ZNF148: variants seen among roughly 807,000 people sequenced by gnomAD.
The protein encoded by ZNF148 is Beta-Enolase Repressor Factor-1.
A neutral mutation model predicts 67.7 loss-of-function variants in ZNF148; 7 were observed. The observed-to-expected ratio is 0.10, with a 90% CI of 0.06 to 0.19. ZNF148 has a LOEUF of 0.19. Ranked by LOEUF, ZNF148 falls within the 10% of genes least tolerant of loss-of-function variation. The pLI is 1.00. For synonymous variants in ZNF148, 333 were observed against 330.7 expected (o/e 1.01, Z -0.08); for missense variants, 583 against 947.1 (o/e 0.62, Z 5.05).
chr3:125,346,272 C>A (rs1320741419), intron 1 of ZNF148, among the ~76,000 whole-genome samples: 1 of 152,174 alleles, frequency 6.6e-6, no homozygotes, highest in South Asian at 2.1e-4. Context: ...TGAAATACAA[C>A]ACCATTTACA....
chr3:125,237,734 CTT>C (rs1395176199), intron 7 of ZNF148, among the ~76,000 whole-genome samples: 12 of 152,112 alleles, frequency 7.9e-5, no homozygotes, highest in African/African-American at 1.4e-4. Context: ...GATTGGAAGA[CTT>C]AACATTAAGA....
chr3:125,289,956 C>A (rs1938916841), intron 4 of ZNF148, among the ~76,000 whole-genome samples: 1 of 152,112 alleles, frequency 6.6e-6, no homozygotes. Flanking sequence ...GTGATTTTCA[C>A]CTAGTCCCAT....
Position 125,279,123 on chromosome 3 carries a change from C to T in ZNF148, c.583+1G>A. On this transcript the variant is annotated splice_donor_variant, in intron 6 of 8. Coordinates refer to ENST00000360647, the MANE Select transcript of ZNF148 (RefSeq NM_021964.3). LOFTEE classifies it high-confidence loss of function. ...CAAGCCCATTTTAATTCAAGAAATA[C>T]CTGTATGAATGAAGACATGTCTCTG... The T allele has an allele frequency of 6.3e-7, 1 of 1,591,702 alleles. No individual in the cohort carries two copies. The highest frequency in any genetic ancestry group is 1.2e-5 in the South Asian group (1 of 85,234).
chr3:125,351,465 T>G (rs1056958406), intron 1 of ZNF148, among the ~76,000 whole-genome samples: 1 of 149,396 alleles, frequency 6.7e-6, no homozygotes, highest in Non-Finnish European at 1.5e-5. Flanking sequence ...GTTCTAGAGA[T>G]CTGCTGTACA....
intron 7 of ZNF148, among the ~76,000 whole-genome samples, chr3:125,235,089 TC>T (rs1936026425): frequency 1.3e-5 from 2 of 152,172 alleles, no homozygotes; most frequent in Non-Finnish European, 2.9e-5. Flanking sequence ...AAAACCACAG[TC>T]TAAGTAAACA....
chr3:125,340,681 G>A (rs1287616782), intron 1 of ZNF148, among the ~76,000 whole-genome samples: 1 of 152,152 alleles, frequency 6.6e-6, no homozygotes, highest in Non-Finnish European at 1.5e-5. Flanking sequence ...AGCCTCCTAA[G>A]GTAACAGATA....
chr3:125,299,137 G>GTCC (rs1332021556), intron 4 of ZNF148, among the ~76,000 whole-genome samples: 1 of 152,030 alleles, frequency 6.6e-6, no homozygotes, highest in East Asian at 1.9e-4. Context: ...TGACTATGTA[G>GTCC]TCCTTTTATA....
intron 1 of ZNF148, among the ~76,000 whole-genome samples, chr3:125,365,601 G>A (rs2107790124): frequency 6.6e-6 from 1 of 152,204 alleles, no homozygotes; most frequent in South Asian, 2.1e-4. Context: ...GGGATCACTG[G>A]AGCCCAAGAG....
intron 7 of ZNF148, among the ~76,000 whole-genome samples, chr3:125,236,443 A>G (rs1936094976): frequency 6.6e-6 from 1 of 152,126 alleles, no homozygotes; most frequent in Admixed American, 6.6e-5. Context: ...AAATGTTACT[A>G]TGAGCTAGTA....
chr3:125,290,466 CTTAT>C (rs916190535), intron 4 of ZNF148, among the ~76,000 whole-genome samples: 1 of 152,136 alleles, frequency 6.6e-6, no homozygotes, highest in Non-Finnish European at 1.5e-5. Context: ...TTTATCAAGA[CTTAT>C]TTCTCACCCC....
chr3:125,257,834 T>A lies in ZNF148; in HGVS notation c.667+19892A>T, dbSNP rs567496438. ...CTCATTGTTTTTTCATCTCAACTGT[T>A]TCCTCCTCTTCTGAAAACTGCTCTT... On this transcript the variant is annotated intron_variant, in intron 7 of 8. Transcript: ENST00000360647. Among the ~76,000 whole-genome samples the A allele has an allele frequency of 3.1e-4, 47 of 152,284 alleles. 1 individual carries two copies. In the South Asian group the frequency reaches 8.3e-3, roughly 27 times the overall value.
At position 125,252,390 on chromosome 3, in the gene ZNF148, T is replaced by A. The variant is rs536948359; in HGVS notation, c.668-18061A>T. 1.0e-3 allele frequency among the ~76,000 whole-genome samples: 158 copies of A among 151,850 alleles called. 1 individual carries two copies. The highest frequency in any genetic ancestry group is 3.3e-3 in the African/African-American group (137 of 41,462). ...AAGAAGTTTCATTATTTTACCCTCG[T>A]ATTTAGATCTACAATTCATCCAGAA... is the stretch of plus-strand genomic sequence containing the variant. On this transcript the variant is annotated intron_variant, in intron 7 of 8. Coordinates refer to ENST00000360647, the MANE Select transcript of ZNF148 (RefSeq NM_021964.3).
In ZNF148 at chr3:125,227,017, T is replaced by C. The variant is rs559432640; in HGVS notation, c.*5324A>G. On this transcript the variant is annotated 3_prime_UTR_variant, in exon 9 of 9. Transcript: ENST00000360647. ...TTTGTATCTGATCCCGAGTTTGCAG[T>C]TGAGTCCTTCCCAATGATTTCTTAG... 4 of 152,138 alleles carry C rather than the reference T, an allele frequency of 2.6e-5. No individual in the cohort carries two copies. Among genetic ancestry groups the C allele is most frequent in the Non-Finnish European group, 4.4e-5 (3 of 68,020 alleles). The allele number at this position is 152,138 out of a possible 1,614,324, so 9.4% of individuals were successfully genotyped here. A position where few individuals can be genotyped will look rare whatever the true frequency, so the allele number is the denominator to read the frequency against.
At chr3:125,362,313 CATCT>C (rs200631049) in intron 1 of ZNF148, among the ~76,000 whole-genome samples, 2,260 of 152,244 alleles carry the variant, frequency 0.015, 49 homozygotes, top group African/African-American at 0.05. Context: ...TAACTTCATC[CATCT>C]GTTACTTCTT....
At chr3:125,352,125 C>CAA (rs35674201) in intron 1 of ZNF148, among the ~76,000 whole-genome samples, 1 of 124,558 alleles carries the variant, frequency 8.0e-6, no homozygotes, top group Non-Finnish European at 1.8e-5. Context: ...TCACAATGGC[C>CAA]AAAAAAAAAA....
chr3:125,331,469 C>G (rs561007668), intron 1 of ZNF148, among the ~76,000 whole-genome samples: 1 of 152,280 alleles, frequency 6.6e-6, no homozygotes, highest in South Asian at 2.1e-4. Flanking sequence ...ACAAATTGGA[C>G]TTTTTCAAAC....
rs142197048 is a variant in ZNF148, at chr3:125,315,780, T to C, written c.-16-2124A>G. 7.5e-3 allele frequency among the ~76,000 whole-genome samples: 1,136 copies of C among 152,162 alleles called. 50 individuals are homozygous for C. Among genetic ancestry groups the C allele is most frequent in the Admixed American group, 0.069 (1,061 of 15,270 alleles). ...ACATTTATGGGGTACATGAGATATT[T>C]TGATACAAGCACGCAACGTGAAATA... On this transcript the variant is annotated intron_variant, in intron 3 of 8. Transcript: ENST00000360647.
chr3:125,250,729 T>C (rs1936805201), intron 7 of ZNF148, among the ~76,000 whole-genome samples: 1 of 152,208 alleles, frequency 6.6e-6, no homozygotes, highest in Non-Finnish European at 1.5e-5. Context: ...TTTTGCATTA[T>C]TTGACTATTT....
Position 125,232,188 on chromosome 3 carries a change from T to C in ZNF148, c.*153A>G. 1.1e-6 allele frequency: 1 copy of C among 914,576 alleles called. No individual in the cohort carries two copies. The highest frequency in any genetic ancestry group is 1.6e-6 in the Non-Finnish European group (1 of 644,212). The allele number at this position is 914,576 out of a possible 1,614,324, so 56.7% of individuals were successfully genotyped here. Reference sequence around the variant, plus strand: ...AAGAATGCTGACTAACCAAACGAAATGCAGTTATTGGATTATCTTGCTATT... The same window carrying C: ...AAGAATGCTGACTAACCAAACGAAACGCAGTTATTGGATTATCTTGCTATT... On this transcript the variant is annotated 3_prime_UTR_variant, in exon 9 of 9. Transcript: ENST00000360647. This position sits in a 1 kb window ranked among gnomAD's most constrained non-coding sequence, Gnocchi z 4.2.
Sources: allele counts gnomAD v4.1 joint callset (sites outside exome capture counted in the v4.1 genomes callset), GRCh38; gene constraint gnomAD v4.1.1; non-coding constraint Gnocchi (gnomAD v3.1); transcripts MANE v1.5; gene names NCBI Gene and HGNC (gene_info 2026-07-23, HGNC 2026-07-21).